Variants in RNF157 observed in about 807,000 individuals in gnomAD.
RNF157 encodes the protein E3 ubiquitin ligase RNF157.
RNF157 carries 55 observed loss-of-function variants against 88.3 expected under a neutral mutation model. The ratio of observed to expected loss-of-function variants is 0.62; its 90% CI spans 0.50 to 0.78. The LOEUF (loss-of-function observed/expected upper bound fraction) is 0.78. Ranked by LOEUF, RNF157 falls within the 30% of genes least tolerant of loss-of-function variation. The pLI is 0.00. For missense variants in RNF157, 788 were observed against 860.8 expected, an observed-to-expected ratio of 0.92 and a Z score of 1.06; for synonymous variants, 334 against 341.2, an observed-to-expected ratio of 0.98 and a Z score of 0.23.
chr17:76,164,694 A>C, intron 8 of RNF157, 54 bp downstream of exon 8: 3 of 1,107,136 alleles, frequency 2.7e-6, no homozygotes, highest in Non-Finnish European at 2.7e-6. Flanking sequence ...AAAGGAAAGA[A>C]TAAAAGGAAG....
intron 2 of RNF157, among the ~76,000 whole-genome samples, chr17:76,186,099 A>C (rs2069281993): frequency 6.6e-6 from 1 of 152,154 alleles, no homozygotes; most frequent in Non-Finnish European, 1.5e-5. Flanking sequence ...AAGAGGACCA[A>C]AATCTTCCCT....
intron 2 of RNF157, among the ~76,000 whole-genome samples, 198 bp from the exon 3 acceptor site, chr17:76,173,988 A>G (rs551998824): frequency 6.6e-6 from 1 of 152,114 alleles, no homozygotes; most frequent in South Asian, 2.1e-4. Flanking sequence ...CTGGGATGCA[A>G]TTTGGGGCCC....
intron 2 of RNF157, among the ~76,000 whole-genome samples, chr17:76,189,065 G>C (rs1247487479): frequency 6.6e-6 from 1 of 152,176 alleles, no homozygotes; most frequent in Non-Finnish European, 1.5e-5. Flanking sequence ...GAAAAATTGA[G>C]AAACTAGCAC....
rs538491111 is a variant in RNF157 at position 76,195,561 on chromosome 17, T to C, written c.207+16803A>G. Among the ~76,000 whole-genome samples, 1 of 152,086 alleles carries C rather than the reference T, an allele frequency of 6.6e-6. No homozygotes were observed. The stretch of plus-strand genomic sequence containing the variant: ...GCATACATATACACAACAAAATACA[T>C]GTAATAATAGAACGTTCATAGCAGC... On this transcript the variant is annotated intron_variant, in intron 2 of 18. Transcript: ENST00000269391. The surrounding 1 kb of genome is among the most constrained non-coding windows in gnomAD (Gnocchi z 4.4).
At chr17:76,212,272 C>G in intron 2 of RNF157, 92 bp downstream of exon 2, 1 of 857,992 alleles carries the variant, frequency 1.2e-6, no homozygotes, top group Admixed American at 1.8e-5. Context: ...AAGCTACAAA[C>G]TGCTGAACAA....
At chr17:76,175,075 G>A (rs915822902) in intron 2 of RNF157, among the ~76,000 whole-genome samples, 3 of 152,104 alleles carry the variant, frequency 2.0e-5, no homozygotes, top group Non-Finnish European at 4.4e-5. Context: ...ATCTCCATCC[G>A]TCCGTCTATC....
chr17:76,236,617 TAATA>T (rs2070286161), intron 1 of RNF157, among the ~76,000 whole-genome samples: 1 of 152,228 alleles, frequency 6.6e-6, no homozygotes, highest in African/African-American at 2.4e-5. Context: ...CTTAAATGAT[TAATA>T]TTCACACAAT....
intron 2 of RNF157, among the ~76,000 whole-genome samples, chr17:76,178,046 T>A (rs978562657): frequency 9.9e-5 from 15 of 152,220 alleles, no homozygotes; most frequent in Admixed American, 9.2e-4. Context: ...CCTATGTTTG[T>A]CTGTGTATCT....
chr17:76,180,031 T>C (rs908529523), intron 2 of RNF157, among the ~76,000 whole-genome samples: 2 of 152,170 alleles, frequency 1.3e-5, no homozygotes, highest in Non-Finnish European at 2.9e-5. Flanking sequence ...CATCCTGGCA[T>C]ATCCGGAAAC....
intron 1 of RNF157, chr17:76,226,086 A>G (rs2070079129): frequency 1.9e-6 from 3 of 1,600,474 alleles, no homozygotes; most frequent in East Asian, 4.5e-5. Flanking sequence ...CTATTTGGAG[A>G]GCCCCTGGTA....
intron 2 of RNF157, among the ~76,000 whole-genome samples, chr17:76,192,463 T>C (rs2069403038): frequency 6.6e-6 from 1 of 152,186 alleles, no homozygotes; most frequent in East Asian, 1.9e-4. Flanking sequence ...GTGTTACCCC[T>C]AGTGATTAGA....
chr17:76,145,865 G>A (rs1172799211), intron 18 of RNF157, among the ~76,000 whole-genome samples: 1 of 152,150 alleles, frequency 6.6e-6, no homozygotes, highest in Non-Finnish European at 1.5e-5. Flanking sequence ...ATGGAAGGCT[G>A]CCTGGAGGGA....
rs1000822288 is a variant in RNF157, at chr17:76,144,306, C to G, written c.*929G>C. The G allele has an allele frequency of 2.0e-5, 3 of 151,440 alleles. No individual in the cohort carries two copies. The highest frequency in any genetic ancestry group is 4.4e-5 in the Non-Finnish European group (3 of 67,888). 9.4% of individuals were successfully genotyped at this position (151,440 alleles called of 1,614,324 possible). ...GAAATCATCTTAACTGGGGGATTCT[C>G]AGATTCAAGGGCTCCTTCTTTTTTT... On this transcript the variant is annotated 3_prime_UTR_variant, in exon 19 of 19. Transcript: ENST00000269391.
At chr17:76,225,448 G>T (rs1411748832) in intron 1 of RNF157, among the ~76,000 whole-genome samples, 1 of 152,046 alleles carries the variant, frequency 6.6e-6, no homozygotes, top group African/African-American at 2.4e-5. Context: ...AATTGGGTGT[G>T]GCCTTCCAGA....
At chr17:76,147,405 C>G in intron 18 of RNF157, 1 of 904,890 alleles carries the variant, frequency 1.1e-6, no homozygotes, top group South Asian at 4.9e-5. Flanking sequence ...CCACCACCGC[C>G]GCCGCCACCA....
rs145916370 is a variant in RNF157, at chr17:76,225,952, C to A, written c.89-13470G>T. ...TAGTGGCTGCTGTCTTGTTTTGCTC[C>A]ATTTTTTTCAGCTTCTTATCCAGTT... On this transcript the variant is annotated intron_variant, in intron 1 of 18. Transcript: ENST00000269391. 128 of 1,611,738 alleles carry A rather than the reference C, an allele frequency of 7.9e-5. No homozygotes were observed. The African/African-American group carries it at 1.6e-3, about 20-fold the overall frequency.
intron 2 of RNF157, among the ~76,000 whole-genome samples, chr17:76,197,756 A>G (rs1027847320): frequency 1.3e-5 from 2 of 152,160 alleles, no homozygotes; most frequent in African/African-American, 2.4e-5. Flanking sequence ...AAAGACAATC[A>G]TTTCCTGCAG....
chr17:76,222,093 G>A lies in RNF157; in HGVS notation c.89-9611C>T, dbSNP rs995157249. Among the ~76,000 whole-genome samples the A allele has an allele frequency of 3.3e-5, 5 of 152,176 alleles. No individual in the cohort carries two copies. In the East Asian group the frequency reaches 7.7e-4, roughly 23 times the overall value. On this transcript the variant is annotated intron_variant, in intron 1 of 18. Coordinates refer to ENST00000269391, the MANE Select transcript of RNF157 (RefSeq NM_052916.3). Reference sequence around the variant, plus strand: ...TGTTCTAGAGGCCGGGCGCAGTGGCGCACACCTTTTGGGAGGCTGAGGCAG... The same window carrying A: ...TGTTCTAGAGGCCGGGCGCAGTGGCACACACCTTTTGGGAGGCTGAGGCAG...
chr17:76,230,333 A>G lies in RNF157; in HGVS notation c.88+9820T>C, dbSNP rs144749838. 1.2e-3 allele frequency among the ~76,000 whole-genome samples: 183 copies of G among 152,286 alleles called. 2 individuals carry two copies. Among genetic ancestry groups the G allele is most frequent in the Non-Finnish European group, 1.3e-3 (91 of 68,012 alleles). Reference sequence around the variant, plus strand: ...AAGCAGTTTCTGCTCCAGAATTCCAATTTCTGTCAATGGTATCTCACTTCT... The same window carrying G: ...AAGCAGTTTCTGCTCCAGAATTCCAGTTTCTGTCAATGGTATCTCACTTCT... On this transcript the variant is annotated intron_variant, in intron 1 of 18. Transcript: ENST00000269391.
Sources: gnomAD v4.1 joint callset for allele counts (sites outside exome capture counted in the v4.1 genomes callset) on GRCh38, gnomAD v4.1.1 for gene constraint, Gnocchi (gnomAD v3.1) non-coding constraint, MANE v1.5 for transcripts, NCBI Gene and HGNC (gene_info 2026-07-23, HGNC 2026-07-21) for gene names.